Variants in NUDCD3 observed in about 807,000 individuals in gnomAD.
NUDCD3 encodes the protein NudC domain containing 3.
In NUDCD3, 13 loss-of-function variants were observed where a neutral mutation model predicts 39.7. That is an observed-to-expected ratio of 0.33 (90% CI 0.21 to 0.52). The LOEUF is 0.52. Among genes scored for constraint, NUDCD3 ranks in the 20% least tolerant of loss-of-function variants. The pLI, the probability that NUDCD3 is intolerant of heterozygous loss-of-function variation, is 0.96. For synonymous variants in NUDCD3, 175 were observed against 172.4 expected, an observed-to-expected ratio of 1.02 and a Z score of -0.12; for missense variants, 453 against 458.1, an observed-to-expected ratio of 0.99 and a Z score of 0.10.
At chr7:44,431,281 T>C (rs1027394928) in intron 2 of NUDCD3, among the ~76,000 whole-genome samples, 1 of 151,926 alleles carries the variant, frequency 6.6e-6, no homozygotes, top group African/African-American at 2.4e-5. Flanking sequence ...AGCAGTCAGG[T>C]TGAAGATTAT....
At chr7:44,404,397 T>G (rs772847198) in intron 4 of NUDCD3, 43 bp downstream of exon 4, 1 of 1,599,660 alleles carries the variant, frequency 6.3e-7, no homozygotes. Context: ...ACTGCAGGTT[T>G]GAAGTCCACC....
chr7:44,485,803 C>T (rs988858377), intron 1 of NUDCD3, among the ~76,000 whole-genome samples: 1 of 152,168 alleles, frequency 6.6e-6, no homozygotes, highest in African/African-American at 2.4e-5. Flanking sequence ...AACACGCACG[C>T]ACAAAAAACA....
At chr7:44,430,018 C>T (rs899025739) in intron 2 of NUDCD3, among the ~76,000 whole-genome samples, 1 of 152,144 alleles carries the variant, frequency 6.6e-6, no homozygotes, top group Non-Finnish European at 1.5e-5. Context: ...ATATAATATA[C>T]ACACAAGTGT....
chr7:44,445,924 AG>A (rs1799682693), intron 2 of NUDCD3, among the ~76,000 whole-genome samples: 1 of 152,238 alleles, frequency 6.6e-6, no homozygotes, highest in Admixed American at 6.5e-5. Flanking sequence ...CCCAGCCACT[AG>A]TTGGTGATAC....
intron 1 of NUDCD3, 53 bp downstream of exon 1, chr7:44,490,356 T>G (rs899785127): frequency 2.8e-6 from 4 of 1,452,438 alleles, no homozygotes; most frequent in East Asian, 2.6e-5. Flanking sequence ...GCGCCAGGAG[T>G]CAGGGCAGGC....
intron 4 of NUDCD3, among the ~76,000 whole-genome samples, chr7:44,393,357 T>C (rs1798555839): frequency 6.6e-6 from 1 of 152,190 alleles, no homozygotes; most frequent in Admixed American, 6.5e-5. Context: ...CAACTGGAAC[T>C]GCAGTATGAG....
At chr7:44,402,340 A>G (rs1798741680) in intron 4 of NUDCD3, among the ~76,000 whole-genome samples, 1 of 152,238 alleles carries the variant, frequency 6.6e-6, no homozygotes, top group Non-Finnish European at 1.5e-5. Context: ...TCACATCCCT[A>G]TTCCACTTGT....
Position 44,489,016 on chromosome 7 carries a change from A to G in NUDCD3, c.192+1393T>C, listed in dbSNP as rs528991314. Among the ~76,000 whole-genome samples the G allele has an allele frequency of 3.9e-5, 6 of 152,280 alleles. No individual in the cohort carries two copies. The East Asian group carries it at 5.8e-4, about 15-fold the overall frequency. The stretch of plus-strand genomic sequence containing the variant: ...CACATCTTTCTGCAAACTACAATCA[A>G]TCTAGACAAAAGTGTTCTCATCCTA... On this transcript the variant is annotated intron_variant, in intron 1 of 5. Coordinates refer to ENST00000355451, the MANE Select transcript of NUDCD3 (RefSeq NM_015332.4).
intron 2 of NUDCD3, among the ~76,000 whole-genome samples, chr7:44,465,427 G>A (rs1800099234): frequency 6.6e-6 from 1 of 152,188 alleles, no homozygotes; most frequent in Non-Finnish European, 1.5e-5. Context: ...TGGATGAGCA[G>A]TGTATACAGC....
intron 2 of NUDCD3, among the ~76,000 whole-genome samples, chr7:44,466,041 G>A (rs1305485033): frequency 1.3e-5 from 2 of 152,066 alleles, no homozygotes; most frequent in Admixed American, 1.3e-4. Context: ...GGAAGCCTGG[G>A]TGGCACAGCC....
intron 3 of NUDCD3, among the ~76,000 whole-genome samples, chr7:44,408,092 T>C (rs1392945351): frequency 6.6e-6 from 1 of 152,110 alleles, no homozygotes; most frequent in African/African-American, 2.4e-5. Flanking sequence ...GGAATAGACT[T>C]CCAGAATCAA....
chr7:44,382,262 C>T lies in NUDCD3; in HGVS notation c.*3749G>A, dbSNP rs1160469397. 1 of 151,954 alleles carries T rather than the reference C, an allele frequency of 6.6e-6. No individual in the cohort carries two copies. The highest frequency in any genetic ancestry group is 1.9e-4 in the East Asian group (1 of 5,190). 9.4% of individuals were successfully genotyped at this position (151,954 alleles called of 1,614,324 possible). A position where few individuals can be genotyped will look rare whatever the true frequency, so the allele number is the denominator to read the frequency against. On this transcript the variant is annotated 3_prime_UTR_variant, in exon 6 of 6. Coordinates refer to ENST00000355451, the MANE Select transcript of NUDCD3 (RefSeq NM_015332.4). ...GGTATCATGCTGATTACCTGGGTGA[C>T]AAAATTATCTGTACACCAAACCCCT...
At chr7:44,407,395 G>A (rs902780482) in intron 3 of NUDCD3, among the ~76,000 whole-genome samples, 4 of 151,510 alleles carry the variant, frequency 2.6e-5, no homozygotes, top group South Asian at 2.1e-4. Flanking sequence ...GAGAAACCCC[G>A]TCTCTACCAA....
intron 3 of NUDCD3, among the ~76,000 whole-genome samples, chr7:44,421,090 T>C (rs1799127986): frequency 6.6e-6 from 1 of 152,066 alleles, no homozygotes. Context: ...TCCCAGAGCT[T>C]TGGGAGGCCA....
rs1798327229 is a variant in NUDCD3, at chr7:44,382,738, C to G, written c.*3273G>C. ...CATCGACAAAGCGAGTCATGCTGTC[C>G]CTTCCCCAGCTGAGCTGGCTGCCAA... is the stretch of plus-strand genomic sequence containing the variant. On this transcript the variant is annotated 3_prime_UTR_variant, in exon 6 of 6. Transcript: ENST00000355451. The G allele has an allele frequency of 6.6e-6, 1 of 152,326 alleles. No individual in the cohort carries two copies. The highest frequency in any genetic ancestry group is 1.5e-5 in the Non-Finnish European group (1 of 68,146). 9.4% of individuals were successfully genotyped at this position (152,326 alleles called of 1,614,324 possible).
At chr7:44,468,275 G>A in intron 2 of NUDCD3, 1 of 1,586,120 alleles carries the variant, frequency 6.3e-7, no homozygotes. Flanking sequence ...CAACCCCAAT[G>A]CCAGGCTGCG....
At chr7:44,467,848 C>T in intron 2 of NUDCD3, 1 of 1,313,032 alleles carries the variant, frequency 7.6e-7, no homozygotes. Context: ...AAAAGGCTCT[C>T]TTCCTCGGCG....
intron 5 of NUDCD3, among the ~76,000 whole-genome samples, chr7:44,387,862 C>T (rs551342245): frequency 2.0e-4 from 31 of 152,300 alleles, no homozygotes; most frequent in African/African-American, 7.2e-4. Context: ...CATGCTAATG[C>T]TATCTGCCTA....
At chr7:44,410,986 C>G (rs1798912458) in intron 3 of NUDCD3, among the ~76,000 whole-genome samples, 1 of 152,124 alleles carries the variant, frequency 6.6e-6, no homozygotes, top group African/African-American at 2.4e-5. Flanking sequence ...TAGTAACAAA[C>G]TCATATATTT....
Sources: allele counts gnomAD v4.1 joint callset (sites outside exome capture counted in the v4.1 genomes callset), GRCh38; gene constraint gnomAD v4.1.1; transcripts MANE v1.5; gene names NCBI Gene and HGNC (gene_info 2026-07-23, HGNC 2026-07-21).